Variants in PTPRG observed in about 807,000 individuals in gnomAD.
The protein encoded by PTPRG is protein tyrosine phosphatase receptor type G.
A neutral mutation model predicts 165.3 loss-of-function variants in PTPRG; 102 were observed. That is an observed-to-expected ratio of 0.62 (90% CI 0.53 to 0.73). The LOEUF is 0.73. Among genes scored for constraint, PTPRG ranks in the 30% least tolerant of loss-of-function variants. The pLI is 0.00. For missense variants in PTPRG, 1,866 were observed against 1,861.4 expected, an observed-to-expected ratio of 1.00 and a Z score of -0.05; for synonymous variants, 675 against 669.5, an observed-to-expected ratio of 1.01 and a Z score of -0.13.
intron 1 of PTPRG, among the ~76,000 whole-genome samples, chr3:61,608,026 T>C (rs755825582): frequency 2.6e-5 from 4 of 152,192 alleles, no homozygotes; most frequent in Admixed American, 6.5e-5. Flanking sequence ...TTTTAATGAA[T>C]TCAGCTTTTA....
chr3:61,967,669 G>A (rs1312898137), intron 2 of PTPRG, among the ~76,000 whole-genome samples: 1 of 152,120 alleles, frequency 6.6e-6, no homozygotes, highest in Admixed American at 6.6e-5. Context: ...TCCAAATTTA[G>A]TGCATGTAAC....
At chr3:61,735,923 T>TC (rs1338438226) in intron 1 of PTPRG, among the ~76,000 whole-genome samples, 1 of 151,738 alleles carries the variant, frequency 6.6e-6, no homozygotes, top group East Asian at 1.9e-4. Context: ...TTTTTTTTTT[T>TC]TGGAGACAGC....
rs113415867 is a variant in PTPRG at position 62,195,854 on chromosome 3, G to C, written c.1327+684G>C. On this transcript the variant is annotated intron_variant, in intron 10 of 29. Transcript: ENST00000474889. This position sits in a 1 kb window ranked among gnomAD's most constrained non-coding sequence, Gnocchi z 4.4. ...TGTTGCCCAAGCTGGAGTGCAGTGG[G>C]GTGGTGTTGGCTCACTGCAACCTCT... Among the ~76,000 whole-genome samples the C allele has an allele frequency of 4.6e-5, 7 of 152,006 alleles. No homozygotes were observed. The highest frequency in any genetic ancestry group is 1.7e-4 in the African/African-American group (7 of 41,412).
Position 62,203,938 on chromosome 3 carries a change from A to G in PTPRG, c.2143A>G (p.Thr715Ala). The G allele has an allele frequency of 6.3e-7, 1 of 1,582,076 alleles. No individual in the cohort carries two copies. The highest frequency in any genetic ancestry group is 1.2e-5 in the South Asian group (1 of 86,554). The change falls in exon 12 of 30, where the codon ACT becomes GCT. Residue 715 changes from threonine (T) to alanine (A), a missense_variant. By Grantham distance (58) the Thr-to-Ala change is moderately conservative. Around this residue, in one of 3 missense-constraint regions of PTPRG, gnomAD observed 1,452 missense variants for 1,463.0 expected, o/e 0.99. Transcript: ENST00000474889. The surrounding 1 kb of genome is among the most constrained non-coding windows in gnomAD (Gnocchi z 6.4). ...ATTTTCTGAAGACAGCAGATTTATCACTGTTAATCCAGGTAAGTGGTGCAG... is the reference window on the plus strand; with the variant it reads ...ATTTTCTGAAGACAGCAGATTTATCGCTGTTAATCCAGGTAAGTGGTGCAG... Reference protein sequence around the residue: ...DRFSEDSRFITVNPAEKNTSG... With the variant: ...DRFSEDSRFIAVNPAEKNTSG...
At chr3:62,180,807 G>T (rs1464403903) in intron 8 of PTPRG, among the ~76,000 whole-genome samples, 1 of 152,158 alleles carries the variant, frequency 6.6e-6, no homozygotes, top group Non-Finnish European at 1.5e-5. Flanking sequence ...GTAGAAAAAA[G>T]AATCCAAGGA....
intron 2 of PTPRG, among the ~76,000 whole-genome samples, chr3:61,876,955 C>T (rs1348918037): frequency 6.6e-6 from 1 of 151,964 alleles, no homozygotes; most frequent in Non-Finnish European, 1.5e-5. Context: ...AAGTGTTGAA[C>T]ATTCTCGTTC....
At chr3:62,025,970 C>G (rs753271885) in intron 4 of PTPRG, among the ~76,000 whole-genome samples, 3 of 152,122 alleles carry the variant, frequency 2.0e-5, no homozygotes, top group Admixed American at 6.5e-5. Context: ...GCTTTATTGT[C>G]ATGATGCTTA....
At position 62,267,400 on chromosome 3, in the gene PTPRG, T is replaced by A. The variant is rs1291524951; in HGVS notation, c.2657-10T>A. 2 of 1,566,734 alleles carry A rather than the reference T, an allele frequency of 1.3e-6. No individual in the cohort carries two copies. The highest frequency in any genetic ancestry group is 1.8e-5 in the Admixed American group (1 of 54,494). ...ATTTTATTTCTGTTTTTTTTTCTTA[T>A]CTTCTATAGATGATCACAGTAGGGT... On this transcript the variant is annotated splice_polypyrimidine_tract_variant and intron_variant, in intron 17 of 29. Transcript: ENST00000474889.
At position 62,271,442 on chromosome 3, in the gene PTPRG, T is replaced by C. The variant is rs754976006; in HGVS notation, c.3069T>C (p.Tyr1023=). The change falls in exon 21 of 30, where the codon TAT becomes TAC. Residue 1023 remains tyrosine (Y), a synonymous_variant. Coordinates refer to ENST00000474889, the MANE Select transcript of PTPRG (RefSeq NM_002841.4). This position sits in a 1 kb window ranked among gnomAD's most constrained non-coding sequence, Gnocchi z 4.1. ...QNERVVIQYH[Y]TQWPDMGVPE... The stretch of plus-strand genomic sequence containing the variant: ...AAAGGGTAGTGATCCAGTATCACTA[T>C]ACACAGTGGCCTGACATGGGAGTTC... The C allele has an allele frequency of 1.2e-6, 2 of 1,613,470 alleles. No homozygotes were observed. Among genetic ancestry groups the C allele is most frequent in the South Asian group, 1.1e-5 (1 of 91,062 alleles).
At chr3:62,251,755 A>T (rs1701423769) in intron 15 of PTPRG, among the ~76,000 whole-genome samples, 1 of 152,182 alleles carries the variant, frequency 6.6e-6, no homozygotes, top group South Asian at 2.1e-4. Flanking sequence ...GAGAATGAAG[A>T]CAAACAGTGT....
chr3:62,056,678 C>G lies in PTPRG; in HGVS notation c.520-21485C>G, dbSNP rs532097947. Among the ~76,000 whole-genome samples, 58 of 152,250 alleles carry G rather than the reference C, an allele frequency of 3.8e-4. 1 individual carries two copies. In the South Asian group the frequency reaches 9.3e-3, roughly 24 times the overall value. On this transcript the variant is annotated intron_variant, in intron 4 of 29. Coordinates refer to ENST00000474889, the MANE Select transcript of PTPRG (RefSeq NM_002841.4). ...GGCACCCCTGACACAGTTGTGACAACCAAAAATGTTCCCAGACATTACCAA... is the reference window on the plus strand; with the variant it reads ...GGCACCCCTGACACAGTTGTGACAAGCAAAAATGTTCCCAGACATTACCAA...
chr3:62,251,041 G>A (rs1701401758), intron 15 of PTPRG, among the ~76,000 whole-genome samples: 1 of 152,254 alleles, frequency 6.6e-6, no homozygotes, highest in East Asian at 1.9e-4. Flanking sequence ...AGTGATAATG[G>A]TAGTGGTCCC....
intron 1 of PTPRG, among the ~76,000 whole-genome samples, chr3:61,575,177 A>G (rs979059213): frequency 2.0e-5 from 3 of 152,204 alleles, no homozygotes; most frequent in South Asian, 2.1e-4. Context: ...AACTGAAATG[A>G]GGGAGTTGCT....
In PTPRG at chr3:61,893,317, AATAAGT is replaced by A. The variant is rs367799206; in HGVS notation, c.191-96303_191-96298del. 1.3e-3 allele frequency among the ~76,000 whole-genome samples: 201 copies of A among 152,366 alleles called. 1 individual carries two copies. The highest frequency in any genetic ancestry group is 6.9e-3 in the East Asian group (36 of 5,184). ...TTTTTGAAATCCCAATTCCTTTGGT[AATAAGT>A]ATAAAAATAGCCACTATAAATTGAG... On this transcript the variant is annotated intron_variant, in intron 2 of 29. Coordinates refer to ENST00000474889, the MANE Select transcript of PTPRG (RefSeq NM_002841.4).
rs1247737241 is a variant in PTPRG at position 62,080,232 on chromosome 3, CT to C, written c.615+1975del. On this transcript the variant is annotated intron_variant, in intron 5 of 29. Coordinates refer to ENST00000474889, the MANE Select transcript of PTPRG (RefSeq NM_002841.4). ...TACAGGCATGTGCTACTATGCCCAG[CT>C]AATTTTTTTTTTTTGTATTTTTAGT... Among the ~76,000 whole-genome samples the C allele has an allele frequency of 1.8e-4, 22 of 119,686 alleles. No individual in the cohort carries two copies. The East Asian group carries it at 5.5e-3, about 30-fold the overall frequency. The allele number at this position is 119,686 out of a possible 152,430, so 78.5% of individuals were successfully genotyped here.
chr3:61,834,834 T>A (rs955019745), intron 2 of PTPRG, among the ~76,000 whole-genome samples: 5 of 151,224 alleles, frequency 3.3e-5, no homozygotes, highest in Non-Finnish European at 7.4e-5. Flanking sequence ...CATGAACATT[T>A]TGGTTCTGAT....
chr3:61,594,703 T>C (rs1373186003), intron 1 of PTPRG, among the ~76,000 whole-genome samples: 1 of 152,188 alleles, frequency 6.6e-6, no homozygotes, highest in African/African-American at 2.4e-5. Context: ...CTGCCTTGGG[T>C]TGGTTGTGCC....
chr3:62,236,573 TCAG>T (rs2106934816), intron 14 of PTPRG, among the ~76,000 whole-genome samples: 2 of 152,308 alleles, frequency 1.3e-5, no homozygotes, highest in Non-Finnish European at 2.9e-5. Context: ...TAATTAATAT[TCAG>T]CAGCAGCTCA....
At chr3:61,638,496 A>G (rs1047139149) in intron 1 of PTPRG, among the ~76,000 whole-genome samples, 9 of 147,834 alleles carry the variant, frequency 6.1e-5, no homozygotes, top group African/African-American at 2.3e-4. Context: ...GTTGTTCATA[A>G]ATGGGAATAT....
Sources: allele counts gnomAD v4.1 joint callset (sites outside exome capture counted in the v4.1 genomes callset), GRCh38; gene constraint gnomAD v4.1.1; regional missense constraint gnomAD v4.1.1; non-coding constraint Gnocchi (gnomAD v3.1); transcripts MANE v1.5; gene names NCBI Gene and HGNC (gene_info 2026-07-23, HGNC 2026-07-21).